The following HECW1 variants were observed in gnomAD, a reference collection of about 807,000 sequenced individuals.
HECW1 encodes the protein HECT, C2 and WW domain containing E3 ubiquitin protein ligase 1.
A neutral mutation model predicts 182.3 loss-of-function variants in HECW1; 61 were observed. The observed-to-expected ratio is 0.33, with a 90% CI of 0.27 to 0.41. HECW1 has a LOEUF of 0.41. HECW1 is among the 10% of genes least tolerant of loss of function. The pLI is 1.00. For missense variants in HECW1, 1,739 were observed against 2,108.9 expected, an observed-to-expected ratio of 0.82 and a Z score of 3.44; for synonymous variants, 859 against 832.6, an observed-to-expected ratio of 1.03 and a Z score of -0.55.
At chr7:43,238,734 A>G (rs1053843643) in intron 2 of HECW1, among the ~76,000 whole-genome samples, 1 of 152,236 alleles carries the variant, frequency 6.6e-6, no homozygotes, top group African/African-American at 2.4e-5. Flanking sequence ...CCCACTGGCT[A>G]TACCACTAAG....
At chr7:43,430,841 G>C (rs965413836) in intron 8 of HECW1, among the ~76,000 whole-genome samples, 2 of 127,680 alleles carry the variant, frequency 1.6e-5, no homozygotes, top group Non-Finnish European at 3.4e-5. Flanking sequence ...GAGTGCAGTG[G>C]GGTGATCTCG....
At chr7:43,307,876 C>CTA (rs71008900) in intron 3 of HECW1, among the ~76,000 whole-genome samples, 1,589 of 127,486 alleles carry the variant, frequency 0.012, 25 homozygotes, top group African/African-American at 0.045. Context: ...AATCATTTCA[C>CTA]TATATATATA....
chr7:43,412,221 A>G (rs1438730736), intron 8 of HECW1, among the ~76,000 whole-genome samples: 1 of 152,090 alleles, frequency 6.6e-6, no homozygotes, highest in Non-Finnish European at 1.5e-5. Context: ...GTAACTCTTC[A>G]ACAATATTAC....
Position 43,445,107 on chromosome 7 carries a change from C to T in HECW1, c.1935C>T (p.Ala645=), listed in dbSNP as rs749737830. 1 of 1,607,406 alleles carries T rather than the reference C, an allele frequency of 6.2e-7. No homozygotes were observed. The highest frequency in any genetic ancestry group is 1.1e-5 in the South Asian group (1 of 90,822). ...GHFPSLANGA[A]QDGDTHPSTG... is the part of the protein sequence containing the mutation. ...TCCCCAGCCTGGCCAATGGCGCGGC[C>T]CAGGATGGCGACACGCACCCCAGCA... Residue 645 remains alanine (A), a synonymous_variant, in exon 11 of 30, where the codon GCC becomes GCT. Transcript: ENST00000395891.
At chr7:43,382,902 G>A (rs972626160) in intron 6 of HECW1, among the ~76,000 whole-genome samples, 12 of 152,138 alleles carry the variant, frequency 7.9e-5, no homozygotes, top group Non-Finnish European at 1.8e-4. Flanking sequence ...ACATGCATTA[G>A]GGGTTTGTCC....
intron 3 of HECW1, among the ~76,000 whole-genome samples, chr7:43,289,440 G>A (rs754554252): frequency 1.3e-5 from 2 of 152,150 alleles, no homozygotes; most frequent in Non-Finnish European, 2.9e-5. Context: ...ACATGCAGTG[G>A]CAGCTCTACC....
intron 3 of HECW1, among the ~76,000 whole-genome samples, chr7:43,251,535 C>T (rs1253263956): frequency 2.6e-5 from 4 of 152,120 alleles, no homozygotes; most frequent in Admixed American, 6.5e-5. Flanking sequence ...AGGCTGGTCT[C>T]GAACTCCTGA....
At chr7:43,548,963 C>T (rs2152957827) in intron 26 of HECW1, among the ~76,000 whole-genome samples, 1 of 152,202 alleles carries the variant, frequency 6.6e-6, no homozygotes, top group East Asian at 1.9e-4. Flanking sequence ...ACAAAAAAAG[C>T]TCTGTTTGAT....
chr7:43,165,405 G>A (rs1278602037), intron 2 of HECW1, among the ~76,000 whole-genome samples: 3 of 143,450 alleles, frequency 2.1e-5, no homozygotes, highest in Non-Finnish European at 4.4e-5. Context: ...GGCGGGGGGG[G>A]GTGTTTGTGT....
At chr7:43,450,135 A>G (rs1035959449) in intron 11 of HECW1, among the ~76,000 whole-genome samples, 5 of 151,230 alleles carry the variant, frequency 3.3e-5, no homozygotes, top group Admixed American at 2.6e-4. Flanking sequence ...CTTTTTATCT[A>G]CTTCCTTTGT....
At chr7:43,116,415 A>G (rs1289111525) in intron 2 of HECW1, among the ~76,000 whole-genome samples, 1 of 152,242 alleles carries the variant, frequency 6.6e-6, no homozygotes, top group African/African-American at 2.4e-5. Flanking sequence ...TCTATCAACC[A>G]GAGCTTGCTA....
chr7:43,336,476 G>C (rs1261343071), intron 5 of HECW1, among the ~76,000 whole-genome samples: 2 of 151,988 alleles, frequency 1.3e-5, no homozygotes, highest in African/African-American at 4.8e-5. Flanking sequence ...CCAAGATTTG[G>C]ACTTTTGAAA....
At chr7:43,459,856 C>T (rs1296883242) in intron 13 of HECW1, among the ~76,000 whole-genome samples, 2 of 152,168 alleles carry the variant, frequency 1.3e-5, no homozygotes, top group Non-Finnish European at 2.9e-5. Context: ...TTTTTAAAAA[C>T]ATGTATCCAT....
chr7:43,298,047 A>C (rs1806262487), intron 3 of HECW1, among the ~76,000 whole-genome samples: 1 of 152,200 alleles, frequency 6.6e-6, no homozygotes, highest in African/African-American at 2.4e-5. Context: ...AACTCCAGCC[A>C]GGGTGACAGG....
In HECW1 at chr7:43,320,683, A is replaced by G; in HGVS notation, c.401A>G (p.Asn134Ser). The change falls in exon 5 of 30, where the codon AAT (asparagine) becomes AGT (serine). Residue 134 changes from asparagine (N) to serine (S), a missense_variant. By Grantham distance (46) the Asn-to-Ser change is conservative (BLOSUM62 1). Transcript: ENST00000395891. ...CTGGACTATAAAAACCGTGGAGTCAATGGTTCTCATCGGGGCCAGATCATC... is the reference window on the plus strand; with the variant it reads ...CTGGACTATAAAAACCGTGGAGTCAGTGGTTCTCATCGGGGCCAGATCATC... Reference protein sequence around the residue: ...NFLDYKNRGVNGSHRGQIIWK... With the variant: ...NFLDYKNRGVSGSHRGQIIWK... The G allele has an allele frequency of 3.7e-6, 6 of 1,614,228 alleles. No individual in the cohort carries two copies. Among genetic ancestry groups the G allele is most frequent in the South Asian group, 1.1e-5 (1 of 91,084 alleles).
intron 3 of HECW1, among the ~76,000 whole-genome samples, chr7:43,276,839 C>T (rs1342711277): frequency 6.6e-6 from 1 of 152,192 alleles, no homozygotes; most frequent in East Asian, 1.9e-4. Context: ...TTTACTTTTC[C>T]TAAAGTGAAG....
intron 2 of HECW1, among the ~76,000 whole-genome samples, chr7:43,216,211 C>T (rs570721828): frequency 2.5e-4 from 38 of 151,298 alleles, no homozygotes; most frequent in African/African-American, 9.2e-4. Context: ...AGTGGTGCAA[C>T]CTGGGCTCAC....
intron 6 of HECW1, among the ~76,000 whole-genome samples, chr7:43,393,668 TTTC>T (rs138934151): frequency 0.033 from 4,918 of 149,864 alleles, 272 homozygotes; most frequent in African/African-American, 0.11. Flanking sequence ...CATACTCTTT[TTTC>T]TTCTTCTTTT....
intron 3 of HECW1, among the ~76,000 whole-genome samples, chr7:43,266,580 C>T (rs946275459): frequency 7.9e-5 from 12 of 152,174 alleles, no homozygotes; most frequent in African/African-American, 1.7e-4. Context: ...ATGATCCACC[C>T]GCCTCGGCCT....
Sources: gnomAD v4.1 joint callset for allele counts (sites outside exome capture counted in the v4.1 genomes callset) on GRCh38, gnomAD v4.1.1 for gene constraint, MANE v1.5 for transcripts, NCBI Gene and HGNC (gene_info 2026-07-23, HGNC 2026-07-21) for gene names.